The following JAK1 variants were observed in gnomAD, a reference collection of about 807,000 sequenced individuals.
The protein encoded by JAK1 is Janus kinase 1.
A neutral mutation model predicts 136.6 loss-of-function variants in JAK1; 16 were observed. The ratio of observed to expected loss-of-function variants is 0.12; its 90% CI spans 0.08 to 0.18. JAK1 has a LOEUF of 0.18. JAK1 is among the 10% of genes least tolerant of loss of function. The pLI is 1.00. For synonymous variants in JAK1, 492 were observed against 519.5 expected, an observed-to-expected ratio of 0.95 and a Z score of 0.72; for missense variants, 859 against 1,450.1, an observed-to-expected ratio of 0.59 and a Z score of 6.62.
At chr1:64,841,146 G>A in intron 19 of JAK1, 99 bp downstream of exon 19, 1 of 883,158 alleles carries the variant, frequency 1.1e-6, no homozygotes, top group South Asian at 1.5e-5. Flanking sequence ...CCTGGCCCCA[G>A]AATGAAAAAG....
At chr1:64,864,529 T>C (rs1227864052) in intron 8 of JAK1, among the ~76,000 whole-genome samples, 1 of 152,242 alleles carries the variant, frequency 6.6e-6, no homozygotes, top group Non-Finnish European at 1.5e-5. Context: ...TAAATATTGA[T>C]GCTGAGGTGT....
chr1:64,839,966 C>T (rs1045914032), intron 19 of JAK1, among the ~76,000 whole-genome samples, 171 bp from the exon 20 acceptor site: 6 of 152,248 alleles, frequency 3.9e-5, no homozygotes, highest in African/African-American at 1.4e-4. Context: ...ACAGCCCCCT[C>T]GCTCTCTTGG....
At chr1:65,012,796 C>CA (rs374552765) in intron 2 of JAK1, among the ~76,000 whole-genome samples, 12,104 of 115,954 alleles carry the variant, frequency 0.1, 669 homozygotes, top group African/African-American at 0.16. Flanking sequence ...GACCCTGTCT[C>CA]AAAAAAAAAA....
chr1:65,055,308 T>C (rs888580161), intron 1 of JAK1, among the ~76,000 whole-genome samples: 2 of 152,254 alleles, frequency 1.3e-5, no homozygotes, highest in South Asian at 4.1e-4. Flanking sequence ...TCAAGGTTCA[T>C]CCATGTTGTA....
At chr1:65,049,783 C>A (rs1647236000) in intron 1 of JAK1, among the ~76,000 whole-genome samples, 1 of 152,268 alleles carries the variant, frequency 6.6e-6, no homozygotes. Flanking sequence ...AGTGTCGCTC[C>A]CTGTCTCTCT....
chr1:64,965,579 T>G (rs1043515560), intron 1 of JAK1, among the ~76,000 whole-genome samples: 1 of 152,146 alleles, frequency 6.6e-6, no homozygotes, highest in Non-Finnish European at 1.5e-5. Context: ...GATGCGCGGA[T>G]GGAGTTGGAG....
intron 2 of JAK1, among the ~76,000 whole-genome samples, chr1:65,041,022 G>A (rs1046232417): frequency 2.6e-5 from 4 of 152,116 alleles, no homozygotes; most frequent in Admixed American, 2.0e-4. Context: ...AATGTAGTGG[G>A]TATCATCACG....
At chr1:64,845,443 C>T (rs1427860267) in intron 15 of JAK1, 70 bp downstream of exon 15, 1 of 1,584,426 alleles carries the variant, frequency 6.3e-7, no homozygotes. Context: ...GCTAGCACCT[C>T]CTTCCTGCCA....
chr1:65,044,693 C>A (rs2935410), intron 1 of JAK1, among the ~76,000 whole-genome samples: 2 of 151,900 alleles, frequency 1.3e-5, no homozygotes. Flanking sequence ...TTGTAGCCAA[C>A]AGGCCAACGG....
At chr1:64,837,387 T>G (rs1032961036) in intron 22 of JAK1, among the ~76,000 whole-genome samples, 1 of 152,184 alleles carries the variant, frequency 6.6e-6, no homozygotes, top group Admixed American at 6.5e-5. Flanking sequence ...GCGGTAGAGA[T>G]GTAAGCAGCC....
chr1:64,867,031 T>G lies in JAK1; in HGVS notation c.825A>C (p.Glu275Asp). ...CAGCACCGTAATGTTTTGTCAAAGT[T>G]TCCAAGGTAGCCAAGTATTTCACCT... ...DLKVKYLATL[E>D]TLTKHYGAEI... Residue 275 changes from glutamate (E) to aspartate (D), a missense_variant, in exon 7 of 25, where the codon GAA becomes GAC. Glu to Asp is a conservative substitution (Grantham distance 45, BLOSUM62 2). Around this residue, in one of 4 missense-constraint regions of JAK1, gnomAD observed 353 missense variants for 494.0 expected, o/e 0.71. Transcript: ENST00000342505. 6.2e-7 allele frequency: 1 copy of G among 1,614,264 alleles called. No homozygotes were observed. Among genetic ancestry groups the G allele is most frequent in the Non-Finnish European group, 8.5e-7 (1 of 1,180,046 alleles).
intron 1 of JAK1, among the ~76,000 whole-genome samples, chr1:64,965,581 G>T (rs1237780874): frequency 6.6e-6 from 1 of 152,208 alleles, no homozygotes; most frequent in Non-Finnish European, 1.5e-5. Context: ...TGCGCGGATG[G>T]AGTTGGAGTG....
intron 1 of JAK1, among the ~76,000 whole-genome samples, chr1:65,062,658 G>A (rs962960262): frequency 6.6e-6 from 1 of 152,170 alleles, no homozygotes; most frequent in Admixed American, 6.5e-5. Flanking sequence ...ATGCCACAGT[G>A]GCACTGCACT....
At chr1:65,060,705 T>C (rs1320349041) in intron 1 of JAK1, among the ~76,000 whole-genome samples, 1 of 152,236 alleles carries the variant, frequency 6.6e-6, no homozygotes, top group Admixed American at 6.5e-5. Flanking sequence ...TCTCAGATTC[T>C]AAAGCAGTTT....
At chr1:65,000,352 T>C (rs945384807) in intron 2 of JAK1, among the ~76,000 whole-genome samples, 2 of 151,992 alleles carry the variant, frequency 1.3e-5, no homozygotes, top group Non-Finnish European at 2.9e-5. Flanking sequence ...TCAGGTATAG[T>C]TACAGCCTGG....
chr1:64,910,024 GGCA>G (rs1645255924), intron 1 of JAK1, among the ~76,000 whole-genome samples: 1 of 152,110 alleles, frequency 6.6e-6, no homozygotes, highest in Non-Finnish European at 1.5e-5. Flanking sequence ...TTGACTCTCA[GGCA>G]GTATAGGTCT....
At chr1:64,929,125 T>C (rs1012079988) in intron 1 of JAK1, among the ~76,000 whole-genome samples, 1 of 152,226 alleles carries the variant, frequency 6.6e-6, no homozygotes, top group African/African-American at 2.4e-5. Flanking sequence ...CTGCAGTATG[T>C]TCAGTTAAAT....
intron 2 of JAK1, among the ~76,000 whole-genome samples, chr1:65,029,025 G>A (rs1437097603): frequency 6.6e-6 from 1 of 152,110 alleles, no homozygotes; most frequent in African/African-American, 2.4e-5. Flanking sequence ...TACTATGCAG[G>A]GGTCAAGGCT....
chr1:64,860,737 G>C (rs1261277119), intron 8 of JAK1, among the ~76,000 whole-genome samples: 3 of 152,076 alleles, frequency 2.0e-5, no homozygotes, highest in African/African-American at 7.2e-5. Flanking sequence ...ACAGCCGTGA[G>C]CCACTGTGCC....
Sources: gnomAD v4.1 joint callset for allele counts (sites outside exome capture counted in the v4.1 genomes callset) on GRCh38, gnomAD v4.1.1 for gene constraint, gnomAD v4.1.1 regional missense constraint, MANE v1.5 for transcripts, NCBI Gene and HGNC (gene_info 2026-07-23, HGNC 2026-07-21) for gene names.